Variants in KIF21A observed in about 807,000 individuals in gnomAD.
The protein encoded by KIF21A is kinesin family member 21A.
Under a neutral mutation model 202.9 loss-of-function variants are expected in KIF21A, and 114 were observed. The ratio of observed to expected loss-of-function variants is 0.56; its 90% CI spans 0.48 to 0.66. The LOEUF is 0.66. Ranked by LOEUF, KIF21A falls within the 30% of genes least tolerant of loss-of-function variation. KIF21A has a pLI of 0.00. For missense variants in KIF21A, 1,677 were observed against 1,994.9 expected (o/e 0.84, Z 3.04); for synonymous variants, 667 against 670.8 (o/e 0.99, Z 0.09).
At chr12:39,394,147 C>G (rs1272346441) in intron 1 of KIF21A, among the ~76,000 whole-genome samples, 1 of 152,192 alleles carries the variant, frequency 6.6e-6, no homozygotes, top group Non-Finnish European at 1.5e-5. Context: ...CTAATCAAAG[C>G]TCTGCAGCAG....
In KIF21A at chr12:39,368,049, A is replaced by C; in HGVS notation, c.451-17T>G. On this transcript the variant is annotated splice_polypyrimidine_tract_variant and intron_variant, in intron 3 of 37. Transcript: ENST00000361418. ...ATTATAGAGCTATCAAAAAAATATT[A>C]GAAATCTAATTTTAGCAGAAATTGT... 6.6e-7 allele frequency: 1 copy of C among 1,516,524 alleles called. No homozygotes were observed. The highest frequency in any genetic ancestry group is 9.1e-7 in the Non-Finnish European group (1 of 1,096,568). 93.9% of individuals were successfully genotyped at this position (1,516,524 alleles called of 1,614,324 possible).
At chr12:39,338,773 C>T (rs975359114) in intron 16 of KIF21A, among the ~76,000 whole-genome samples, 1 of 152,066 alleles carries the variant, frequency 6.6e-6, no homozygotes, top group African/African-American at 2.4e-5. Flanking sequence ...AGCATCATGT[C>T]TAAAAAAATA....
intron 10 of KIF21A, among the ~76,000 whole-genome samples, chr12:39,352,810 A>G (rs1299510537): frequency 1.3e-5 from 2 of 152,322 alleles, no homozygotes; most frequent in East Asian, 3.9e-4. Context: ...TAATAATGAC[A>G]GGAGAATAAC....
chr12:39,415,911 T>C (rs1006530359), intron 1 of KIF21A, among the ~76,000 whole-genome samples: 2 of 152,210 alleles, frequency 1.3e-5, no homozygotes, highest in African/African-American at 4.8e-5. Context: ...ATCACATCCT[T>C]TGACCACTTC....
intron 3 of KIF21A, among the ~76,000 whole-genome samples, 158 bp from the exon 4 acceptor site, chr12:39,368,190 T>A (rs1318237023): frequency 2.0e-5 from 3 of 152,142 alleles, no homozygotes; most frequent in African/African-American, 7.2e-5. Flanking sequence ...AGGCTATTAT[T>A]ATAACAATTA....
chr12:39,433,916 G>A (rs1412575936), intron 1 of KIF21A, among the ~76,000 whole-genome samples: 1 of 152,048 alleles, frequency 6.6e-6, no homozygotes, highest in Non-Finnish European at 1.5e-5. Context: ...AAAAGCAAAA[G>A]AACAGATACC....
In KIF21A at chr12:39,442,914, A is replaced by G. The variant is rs1048789833; in HGVS notation, c.44+13T>C. 1 of 1,524,392 alleles carries G rather than the reference A, an allele frequency of 6.6e-7. No individual in the cohort carries two copies. Among genetic ancestry groups the G allele is most frequent in the Non-Finnish European group, 8.8e-7 (1 of 1,142,632 alleles). The allele number at this position is 1,524,392 out of a possible 1,614,324, so 94.4% of individuals were successfully genotyped here. On this transcript the variant is annotated intron_variant, in intron 1 of 37. Coordinates refer to ENST00000361418, the MANE Select transcript of KIF21A (RefSeq NM_001173464.2). The surrounding 1 kb of genome is among the most constrained non-coding windows in gnomAD (Gnocchi z 5.0). Reference sequence around the variant, plus strand: ...CCGCCGCCCGCCGCCCGCCGCCGGCAGACTGTCCTCACCTGACAGCCACCC... The same window carrying G: ...CCGCCGCCCGCCGCCCGCCGCCGGCGGACTGTCCTCACCTGACAGCCACCC...
intron 11 of KIF21A, among the ~76,000 whole-genome samples, chr12:39,349,400 A>C (rs569980706): frequency 1.3e-5 from 2 of 152,186 alleles, no homozygotes; most frequent in East Asian, 3.9e-4. Flanking sequence ...GTAGACCCAC[A>C]TTTTGCAATG....
chr12:39,426,478 A>G (rs2140295403), intron 1 of KIF21A, among the ~76,000 whole-genome samples: 1 of 152,340 alleles, frequency 6.6e-6, no homozygotes, highest in South Asian at 2.1e-4. Flanking sequence ...AAAGCATTAG[A>G]GAAGAGAAAG....
intron 9 of KIF21A, 101 bp from the exon 10 acceptor site, chr12:39,356,996 C>T (rs1192704658): frequency 1.4e-6 from 1 of 706,752 alleles, no homozygotes; most frequent in African/African-American, 1.8e-5. Flanking sequence ...TTTTTTAAAA[C>T]ACAATTCTTA....
intron 28 of KIF21A, 33 bp downstream of exon 28, chr12:39,319,873 C>T: frequency 2.5e-6 from 3 of 1,211,124 alleles, no homozygotes; most frequent in East Asian, 2.4e-5. Context: ...GCATTTAATA[C>T]AGTCTAGCAG....
chr12:39,341,774 T>C, intron 13 of KIF21A, 152 bp from the exon 14 acceptor site: 1 of 907,594 alleles, frequency 1.1e-6, no homozygotes, highest in East Asian at 2.6e-5. Flanking sequence ...CAGAGTAATT[T>C]TGTCTTAAAT....
At chr12:39,349,859 T>C (rs941547491) in intron 11 of KIF21A, among the ~76,000 whole-genome samples, 3 of 152,048 alleles carry the variant, frequency 2.0e-5, no homozygotes, top group South Asian at 2.1e-4. Context: ...TTTACAGTTA[T>C]ATGGTATAGT....
intron 1 of KIF21A, among the ~76,000 whole-genome samples, chr12:39,381,995 C>G (rs928778052): frequency 1.3e-5 from 2 of 152,162 alleles, no homozygotes; most frequent in African/African-American, 4.8e-5. Context: ...CAATAGCAAG[C>G]AAGAAAATGG....
chr12:39,330,167 G>A lies in KIF21A; in HGVS notation c.3340+75C>T, dbSNP rs77115887. 13,436 of 1,369,666 alleles carry A rather than the reference G, an allele frequency of 9.8e-3. 1,071 individuals are homozygous for A. In the African/African-American group the frequency reaches 0.17, roughly 17 times the overall value. 84.8% of individuals were successfully genotyped at this position (1,369,666 alleles called of 1,614,324 possible). A position where few individuals can be genotyped will look rare whatever the true frequency, so the allele number is the denominator to read the frequency against. ...CCAATAAAAATCTTTAAAATAAGAT[G>A]TACCACAATTAGTGTACATGAACAA... On this transcript the variant is annotated intron_variant, in intron 24 of 37. Transcript: ENST00000361418.
intron 21 of KIF21A, 133 bp downstream of exon 21, chr12:39,332,081 A>G: frequency 1.2e-6 from 1 of 810,434 alleles, no homozygotes; most frequent in Non-Finnish European, 2.0e-6. Context: ...AGTGGCATAC[A>G]TGTAAAACCT....
chr12:39,326,473 G>C (rs1319107851), intron 24 of KIF21A, 149 bp from the exon 25 acceptor site: 1 of 680,648 alleles, frequency 1.5e-6, no homozygotes, highest in South Asian at 1.6e-5. Flanking sequence ...CAGAATTGTA[G>C]AAAAGTATTT....
chr12:39,304,863 T>A lies in KIF21A; in HGVS notation c.4518A>T (p.Gly1506=). 1 of 1,606,502 alleles carries A rather than the reference T, an allele frequency of 6.2e-7. No homozygotes were observed. The highest frequency in any genetic ancestry group is 8.5e-7 in the Non-Finnish European group (1 of 1,173,656). The stretch of plus-strand genomic sequence containing the variant: ...TGGAGCCAGTGATGATTAGATCTTG[T>A]CCACTGGAAATCTGATCCACAGTAA... The part of the protein sequence containing the change: ...MCLTVDQISS[G]QDLIITGSKD... Residue 1506 remains glycine (G), a synonymous_variant, in exon 35 of 38, where the codon GGA becomes GGT. Coordinates refer to ENST00000361418, the MANE Select transcript of KIF21A (RefSeq NM_001173464.2).
intron 26 of KIF21A, among the ~76,000 whole-genome samples, chr12:39,324,700 C>T (rs918180329): frequency 9.9e-5 from 15 of 152,174 alleles, no homozygotes; most frequent in African/African-American, 3.4e-4. Flanking sequence ...ATGAGCAAAA[C>T]TTGATGGTGG....
Sources: gnomAD v4.1 joint callset for allele counts (sites outside exome capture counted in the v4.1 genomes callset) on GRCh38, gnomAD v4.1.1 for gene constraint, Gnocchi (gnomAD v3.1) non-coding constraint, MANE v1.5 for transcripts, NCBI Gene and HGNC (gene_info 2026-07-23, HGNC 2026-07-21) for gene names.